The following NKAIN2 variants were observed in gnomAD, a reference collection of about 807,000 sequenced individuals.
NKAIN2 encodes sodium/potassium-transporting ATPase subunit beta-1-interacting protein 2.
In NKAIN2, 14 loss-of-function variants were observed where a neutral mutation model predicts 32.6. The ratio of observed to expected loss-of-function variants is 0.43; its 90% CI spans 0.28 to 0.67. The LOEUF (loss-of-function observed/expected upper bound fraction) is 0.67. Ranked by LOEUF, NKAIN2 falls within the 30% of genes least tolerant of loss-of-function variation. The probability of loss-of-function intolerance (pLI) is 0.17; values close to 1 mark genes in which losing one functional copy is unlikely to be tolerated. For synonymous variants in NKAIN2, 80 were observed against 87.2 expected (o/e 0.92, Z 0.46); for missense variants, 198 against 258.3 (o/e 0.77, Z 1.60).
chr6:124,739,676 TGAAAAA>T (rs1227844678), intron 4 of NKAIN2, among the ~76,000 whole-genome samples: 2 of 151,734 alleles, frequency 1.3e-5, no homozygotes, highest in African/African-American at 4.8e-5. Context: ...ATACACATCT[TGAAAAA>T]GGGAGAAGCT....
intron 1 of NKAIN2, among the ~76,000 whole-genome samples, chr6:124,272,209 G>A (rs1245354956): frequency 6.6e-6 from 1 of 152,214 alleles, no homozygotes; most frequent in Non-Finnish European, 1.5e-5. Context: ...CCATGTCAGA[G>A]GTCTTTACGC....
intron 1 of NKAIN2, among the ~76,000 whole-genome samples, chr6:124,083,691 T>C (rs1194385851): frequency 6.6e-6 from 1 of 152,032 alleles, no homozygotes; most frequent in African/African-American, 2.4e-5. Context: ...TTCTCAATTA[T>C]CTGTAGCAAT....
Position 123,994,814 on chromosome 6 carries a change from C to T in NKAIN2, c.54+190560C>T, listed in dbSNP as rs150042939. ...TATAAACCTGTATGTGTTTTTATGT[C>T]GATTGTTATTATATGAATAATTTAA... On this transcript the variant is annotated intron_variant, in intron 1 of 6. Transcript: ENST00000368417. Among the ~76,000 whole-genome samples the T allele has an allele frequency of 2.1e-4, 32 of 152,122 alleles. No homozygotes were observed. The East Asian group carries it at 4.4e-3, about 21-fold the overall frequency.
chr6:124,304,752 A>G (rs766547657), intron 2 of NKAIN2, among the ~76,000 whole-genome samples: 1 of 151,538 alleles, frequency 6.6e-6, no homozygotes, highest in Non-Finnish European at 1.5e-5. Context: ...CATCTCTACT[A>G]AAATACAAAA....
intron 3 of NKAIN2, among the ~76,000 whole-genome samples, chr6:124,459,671 A>G (rs1583285034): frequency 1.3e-5 from 2 of 151,794 alleles, no homozygotes. Context: ...ATTCCTTAAC[A>G]TTTATTTTCC....
intron 3 of NKAIN2, among the ~76,000 whole-genome samples, chr6:124,525,021 G>T (rs1323087085): frequency 1.3e-5 from 2 of 152,142 alleles, no homozygotes; most frequent in Non-Finnish European, 2.9e-5. Flanking sequence ...GATAAGAACT[G>T]CAGTAAAGCG....
At chr6:123,895,371 T>C (rs1372264003) in intron 1 of NKAIN2, among the ~76,000 whole-genome samples, 1 of 152,222 alleles carries the variant, frequency 6.6e-6, no homozygotes, top group Non-Finnish European at 1.5e-5. Context: ...CTCCAAATTT[T>C]GTATTACACA....
chr6:123,910,234 G>A (rs1775102350), intron 1 of NKAIN2, among the ~76,000 whole-genome samples: 1 of 152,120 alleles, frequency 6.6e-6, no homozygotes, highest in Admixed American at 6.6e-5. Flanking sequence ...AGCAAGTGGG[G>A]TGGGGTGTGA....
At chr6:123,997,414 G>A (rs576551347) in intron 1 of NKAIN2, among the ~76,000 whole-genome samples, 42 of 152,126 alleles carry the variant, frequency 2.8e-4, no homozygotes, top group Non-Finnish European at 5.3e-4. Flanking sequence ...TGGCCTCCAG[G>A]TGATAGGCAC....
At position 124,476,065 on chromosome 6, in the gene NKAIN2, A is replaced by AGTGTGTGTGTGTGT. The variant is rs61191593; in HGVS notation, c.273+120738_273+120751dup. ...GTGTGTGTGAGAGAGAGAGAGAGAG[A>AGTGTGTGTGTGTGT]GTGTGTGTGTGTGTGTGTGTGTGTG... On this transcript the variant is annotated intron_variant, in intron 3 of 6. Transcript: ENST00000368417. Among the ~76,000 whole-genome samples, 913 of 132,526 alleles carry AGTGTGTGTGTGTGT rather than the reference A, an allele frequency of 6.9e-3. 10 individuals are homozygous for AGTGTGTGTGTGTGT. The highest frequency in any genetic ancestry group is 0.025 in the African/African-American group (867 of 34,768). 86.9% of individuals were successfully genotyped at this position (132,526 alleles called of 152,430 possible). A position where few individuals can be genotyped will look rare whatever the true frequency, so the allele number is the denominator to read the frequency against.
chr6:124,278,582 T>TAGCTTATA (rs1035582599), intron 1 of NKAIN2, among the ~76,000 whole-genome samples: 1 of 145,308 alleles, frequency 6.9e-6, no homozygotes, highest in Non-Finnish European at 1.5e-5. Context: ...GCTCATATAA[T>TAGCTTATA]AGCTTATATA....
chr6:124,175,818 C>T (rs1175893424), intron 1 of NKAIN2, among the ~76,000 whole-genome samples: 1 of 152,130 alleles, frequency 6.6e-6, no homozygotes, highest in Non-Finnish European at 1.5e-5. Flanking sequence ...TGTTGCTCCA[C>T]CAAAACTGTT....
In NKAIN2 at chr6:124,421,386, G is replaced by A. The variant is rs1424781634; in HGVS notation, c.273+66039G>A. ...AGTAGTGATTACACGTGGAGATGAC[G>A]TCTCAGTTACCCAGAACCTATCCAT... On this transcript the variant is annotated intron_variant, in intron 3 of 6. Transcript: ENST00000368417. Among the ~76,000 whole-genome samples the A allele has an allele frequency of 2.6e-5, 4 of 152,232 alleles. No individual in the cohort carries two copies. The South Asian group carries it at 8.3e-4, about 32-fold the overall frequency.
intron 1 of NKAIN2, among the ~76,000 whole-genome samples, chr6:124,087,480 A>G (rs931285070): frequency 6.6e-6 from 1 of 152,044 alleles, no homozygotes; most frequent in Non-Finnish European, 1.5e-5. Context: ...GGAAGAAATG[A>G]AACTTCACAG....
chr6:124,779,318 GGGAAGGAAGGAAGGAA>G (rs869195660), intron 4 of NKAIN2, among the ~76,000 whole-genome samples: 950 of 52,950 alleles, frequency 0.018, 20 homozygotes, highest in Non-Finnish European at 0.018. Context: ...GAGGGAGGGA[GGGAAGGAAGGAAGGAA>G]GGAAGGAAGG....
chr6:124,140,337 G>T (rs201961719), intron 1 of NKAIN2, among the ~76,000 whole-genome samples: 1 of 152,064 alleles, frequency 6.6e-6, no homozygotes, highest in Non-Finnish European at 1.5e-5. Context: ...TTTATAATAC[G>T]CATCATGTTT....
At chr6:124,495,660 A>T (rs1246618016) in intron 3 of NKAIN2, among the ~76,000 whole-genome samples, 1 of 152,148 alleles carries the variant, frequency 6.6e-6, no homozygotes, top group Non-Finnish European at 1.5e-5. Context: ...ACACTAAGAC[A>T]TTATACTAAT....
At chr6:124,778,312 A>G (rs1779072640) in intron 4 of NKAIN2, among the ~76,000 whole-genome samples, 1 of 152,044 alleles carries the variant, frequency 6.6e-6, no homozygotes, top group Non-Finnish European at 1.5e-5. Context: ...AGGAACGAAA[A>G]CATGGTTCTT....
intron 1 of NKAIN2, among the ~76,000 whole-genome samples, chr6:124,053,185 C>A (rs1782490542): frequency 6.6e-6 from 1 of 151,932 alleles, no homozygotes; most frequent in South Asian, 2.1e-4. Context: ...CAGATTATTT[C>A]ATCACCCAGG....
Sources: gnomAD v4.1 joint callset for allele counts (sites outside exome capture counted in the v4.1 genomes callset) on GRCh38, gnomAD v4.1.1 for gene constraint, MANE v1.5 for transcripts, NCBI Gene and HGNC (gene_info 2026-07-23, HGNC 2026-07-21) for gene names.